PRDM16: variants seen among roughly 807,000 people sequenced by gnomAD.
PRDM16 encodes histone-lysine N-methyltransferase PRDM16.
A neutral mutation model predicts 110.6 loss-of-function variants in PRDM16; 23 were observed. That is an observed-to-expected ratio of 0.21 (90% confidence interval 0.15 to 0.29). PRDM16 has a LOEUF of 0.29. Among genes scored for constraint, PRDM16 ranks in the 10% least tolerant of loss-of-function variants. The probability of loss-of-function intolerance (pLI) is 1.00; values close to 1 mark genes in which losing one functional copy is unlikely to be tolerated. For missense variants in PRDM16, 1,615 were observed against 1,794.3 expected (o/e 0.90, Z 1.81); for synonymous variants, 799 against 781.8 (o/e 1.02, Z -0.37).
rs1638854403 is a variant in PRDM16 at position 3,434,429 on chromosome 1, GTGTATTC to G, written c.*620_*626del. ...GCCTGGGAACCCGCACTGTGCCTGG[GTGTATTC>G]TTTATACTGTAGATAATGGAGAAAT... is the stretch of plus-strand genomic sequence containing the variant. On this transcript the variant is annotated 3_prime_UTR_variant, in exon 17 of 17. Transcript: ENST00000270722. 4.3e-6 allele frequency: 1 copy of G among 232,194 alleles called. No individual in the cohort carries two copies. Among genetic ancestry groups the G allele is most frequent in the Admixed American group, 5.6e-5 (1 of 17,750 alleles). 14.4% of individuals were successfully genotyped at this position (232,194 alleles called of 1,614,324 possible). A position where few individuals can be genotyped will look rare whatever the true frequency, so the allele number is the denominator to read the frequency against.
intron 3 of PRDM16, among the ~76,000 whole-genome samples, chr1:3,267,663 C>T (rs1640326713): frequency 6.6e-6 from 1 of 152,250 alleles, no homozygotes; most frequent in Non-Finnish European, 1.5e-5. Context: ...AGCGGCCTCA[C>T]AGAGCGGCTG....
chr1:3,432,138 C>G lies in PRDM16; in HGVS notation c.3694C>G (p.Gln1232Glu), dbSNP rs778840101. The change falls in exon 16 of 17, where the codon CAG becomes GAG. Residue 1232 changes from glutamine to glutamate, a missense_variant and splice_region_variant. Coordinates refer to ENST00000270722, the MANE Select transcript of PRDM16 (RefSeq NM_022114.4). ...TACACTGTGCAGGCAGGCTAAGAACCAGGTAGGTACCCGCCAGAGCCCCTC... is the reference window on the plus strand; with the variant it reads ...TACACTGTGCAGGCAGGCTAAGAACGAGGTAGGTACCCGCCAGAGCCCCTC... ...KHTLCRQAKN[Q>E]AYAMMLSLSE... The G allele has an allele frequency of 1.9e-6, 3 of 1,612,656 alleles. No homozygotes were observed. The highest frequency in any genetic ancestry group is 2.2e-5 in the East Asian group (1 of 44,842).
At position 3,425,918 on chromosome 1, in the gene PRDM16, C is replaced by G. The variant is rs1394359444; in HGVS notation, c.3110-133C>G. On this transcript the variant is annotated intron_variant, in intron 13 of 16. Coordinates refer to ENST00000270722, the MANE Select transcript of PRDM16 (RefSeq NM_022114.4). The surrounding 1 kb of genome is among the most constrained non-coding windows in gnomAD (Gnocchi z 6.9). ...AAACCGTGGTCATTAAAGAGAACCT[C>G]GTGCTCTCCGGTGTCCCTAAGAAAC... The G allele has an allele frequency of 8.0e-7, 1 of 1,245,794 alleles. No individual in the cohort carries two copies. Among genetic ancestry groups the G allele is most frequent in the African/African-American group, 1.5e-5 (1 of 66,200 alleles). The allele number at this position is 1,245,794 out of a possible 1,614,324, so 77.2% of individuals were successfully genotyped here.
At chr1:3,352,322 C>T (rs150550710) in intron 3 of PRDM16, among the ~76,000 whole-genome samples, 68 of 152,310 alleles carry the variant, frequency 4.5e-4, no homozygotes, top group Non-Finnish European at 5.9e-4. Context: ...CGACTTCCCA[C>T]GGCAGAGTTG....
chr1:3,313,143 T>G (rs945208525), intron 3 of PRDM16, among the ~76,000 whole-genome samples: 6 of 152,150 alleles, frequency 3.9e-5, no homozygotes, highest in Admixed American at 3.9e-4. Flanking sequence ...TCCTTCCTCG[T>G]GAGAGGATGA....
chr1:3,116,830 G>A (rs1007571230), intron 1 of PRDM16, among the ~76,000 whole-genome samples: 7 of 152,174 alleles, frequency 4.6e-5, no homozygotes, highest in Admixed American at 4.6e-4. Context: ...TTGGAGCTCC[G>A]TGTGCCCCCA....
At chr1:3,283,537 C>T (rs570830610) in intron 3 of PRDM16, among the ~76,000 whole-genome samples, 45 of 152,134 alleles carry the variant, frequency 3.0e-4, no homozygotes, top group Non-Finnish European at 6.0e-4. Flanking sequence ...CAGAGACAGA[C>T]ACACAGAAGA....
At chr1:3,184,728 G>T (rs1432122519) in intron 1 of PRDM16, among the ~76,000 whole-genome samples, 7 of 152,102 alleles carry the variant, frequency 4.6e-5, no homozygotes, top group Non-Finnish European at 2.9e-5. Context: ...CCCCACCCCA[G>T]TCCCCGAGAT....
intron 3 of PRDM16, among the ~76,000 whole-genome samples, chr1:3,258,920 G>A (rs892844870): frequency 5.9e-5 from 9 of 152,250 alleles, no homozygotes; most frequent in Admixed American, 5.2e-4. Context: ...TATCGGAAGA[G>A]AATCTGAAGC....
At chr1:3,181,334 G>A (rs1360976998) in intron 1 of PRDM16, among the ~76,000 whole-genome samples, 5 of 101,936 alleles carry the variant, frequency 4.9e-5, no homozygotes, top group Non-Finnish European at 9.8e-5. Flanking sequence ...TCTTACACAA[G>A]CAGTCTTACA....
intron 1 of PRDM16, among the ~76,000 whole-genome samples, chr1:3,112,507 G>C (rs573325300): frequency 6.6e-6 from 1 of 152,228 alleles, no homozygotes; most frequent in Non-Finnish European, 1.5e-5. Flanking sequence ...CTGTGTTCCC[G>C]GGCCGGCTTC....
chr1:3,269,923 G>A (rs773507846), intron 3 of PRDM16, among the ~76,000 whole-genome samples: 2 of 151,030 alleles, frequency 1.3e-5, no homozygotes, highest in Non-Finnish European at 3.0e-5. Context: ...TCCAGGAGGA[G>A]GACAATCGGG....
At chr1:3,174,114 G>C (rs1294925161) in intron 1 of PRDM16, among the ~76,000 whole-genome samples, 1 of 152,306 alleles carries the variant, frequency 6.6e-6, no homozygotes, top group African/African-American at 2.4e-5. Flanking sequence ...GTTCCCTCTG[G>C]AGGTCCTAGG....
intron 3 of PRDM16, among the ~76,000 whole-genome samples, chr1:3,259,127 G>A (rs1239810814): frequency 1.3e-5 from 2 of 152,156 alleles, no homozygotes; most frequent in Non-Finnish European, 2.9e-5. Flanking sequence ...GGAGCTGCAG[G>A]GATGAGCAGT....
At chr1:3,239,865 A>G (rs1639620348) in intron 2 of PRDM16, among the ~76,000 whole-genome samples, 1 of 151,726 alleles carries the variant, frequency 6.6e-6, no homozygotes. Flanking sequence ...TGGGAGGATC[A>G]CCTGAGCCCA....
chr1:3,347,119 G>A (rs559028322), intron 3 of PRDM16, among the ~76,000 whole-genome samples: 1 of 152,296 alleles, frequency 6.6e-6, no homozygotes, highest in East Asian at 1.9e-4. Context: ...GAGGGTGGAG[G>A]GGGTCAGTGT....
intron 3 of PRDM16, among the ~76,000 whole-genome samples, chr1:3,361,004 G>T (rs1465154010): frequency 6.6e-6 from 1 of 152,246 alleles, no homozygotes; most frequent in Non-Finnish European, 1.5e-5. Context: ...GGAGCCACTT[G>T]TGTGTGCTGG....
At chr1:3,252,129 C>T (rs552033588) in intron 3 of PRDM16, among the ~76,000 whole-genome samples, 8 of 152,334 alleles carry the variant, frequency 5.3e-5, no homozygotes, top group Non-Finnish European at 1.0e-4. Flanking sequence ...AGGCCTGGCT[C>T]CTCGCTTCTG....
intron 5 of PRDM16, among the ~76,000 whole-genome samples, chr1:3,398,181 G>A (rs746605607): frequency 1.3e-5 from 2 of 152,142 alleles, no homozygotes; most frequent in Non-Finnish European, 1.5e-5. Context: ...CTTGACTATG[G>A]AATTTCATTT....
Sources: gnomAD v4.1 joint callset for allele counts (sites outside exome capture counted in the v4.1 genomes callset) on GRCh38, gnomAD v4.1.1 for gene constraint, Gnocchi (gnomAD v3.1) non-coding constraint, MANE v1.5 for transcripts, NCBI Gene and HGNC (gene_info 2026-07-23, HGNC 2026-07-21) for gene names.